ZNF518A: variants seen among roughly 807,000 people sequenced by gnomAD.
ZNF518A encodes zinc finger protein 518.
In ZNF518A, 47 loss-of-function variants were observed where a neutral mutation model predicts 102.7. That is an observed-to-expected ratio of 0.46 (90% CI 0.36 to 0.58). ZNF518A has a LOEUF of 0.58. Ranked by LOEUF, ZNF518A falls within the 20% of genes least tolerant of loss-of-function variation. ZNF518A has a pLI of 0.00. For missense variants in ZNF518A, 1,793 were observed against 1,699.8 expected, an observed-to-expected ratio of 1.05 and a Z score of -0.96; for synonymous variants, 652 against 594.6, an observed-to-expected ratio of 1.10 and a Z score of -1.40.
At chr10:96,202,244 G>A (rs1195869089) in intron 1 of ZNF518A, among the ~76,000 whole-genome samples, 6 of 152,134 alleles carry the variant, frequency 3.9e-5, no homozygotes, top group Non-Finnish European at 8.8e-5. Context: ...TTGAACAGGG[G>A]GGTAACATGA....
chr10:96,182,327 G>C (rs2083245029), intron 1 of ZNF518A, among the ~76,000 whole-genome samples: 2 of 151,980 alleles, frequency 1.3e-5, no homozygotes, highest in Non-Finnish European at 2.9e-5. Context: ...TTATTTCTTT[G>C]CCTTGCCTGA....
intron 3 of ZNF518A, among the ~76,000 whole-genome samples, chr10:96,154,076 C>T (rs1459086850): frequency 6.6e-6 from 1 of 152,170 alleles, no homozygotes; most frequent in Non-Finnish European, 1.5e-5. Flanking sequence ...GAGAACTGAA[C>T]ACATGATTTA....
rs1204229173 is a variant in ZNF518A, at chr10:96,159,023, G to A, written c.2701G>A (p.Val901Ile). Residue 901 changes from valine to isoleucine, a missense_variant, in exon 6 of 6, where the codon GTA (valine) becomes ATA (isoleucine). Val to Ile is a conservative substitution (Grantham distance 29). Around this residue, in one of 3 missense-constraint regions of ZNF518A, gnomAD observed 1,741 missense variants for 1,622.6 expected, o/e 1.07. Transcript: ENST00000316045. ...QSDAIITQQL[V>I]KDKLRATTQN... is the part of the protein sequence containing the mutation. ...AGATGCGATAATAACACAGCAGCTT[G>A]TAAAAGACAAACTACGAGCCACCAC... The A allele has an allele frequency of 2.5e-6, 4 of 1,613,514 alleles. No homozygotes were observed. The African/African-American group carries it at 5.3e-5, about 22-fold the overall frequency.
intron 1 of ZNF518A, among the ~76,000 whole-genome samples, chr10:96,187,440 C>T (rs2133898936): frequency 6.6e-6 from 1 of 152,248 alleles, no homozygotes; most frequent in Middle Eastern, 3.4e-3. Context: ...CTGGTTTTGC[C>T]TCACATCGCT....
intron 3 of ZNF518A, among the ~76,000 whole-genome samples, chr10:96,150,236 A>G (rs587595129): frequency 6.6e-4 from 100 of 151,024 alleles, no homozygotes; most frequent in African/African-American, 2.3e-3. Flanking sequence ...CGGGAGGCTG[A>G]GGCAGGAGAA....
intron 3 of ZNF518A, among the ~76,000 whole-genome samples, chr10:96,137,092 T>TCA (rs1428932145): frequency 2.0e-5 from 3 of 152,226 alleles, no homozygotes; most frequent in African/African-American, 7.2e-5. Context: ...ACAAACTCTC[T>TCA]CAGTCACATC....
Position 96,160,407 on chromosome 10 carries a change from G to A in ZNF518A, c.4085G>A (p.Ser1362Asn). ...HPDADAPEVV[S>N]VMKTIAKFNG... is the part of the protein sequence containing the mutation. Reference sequence around the variant, plus strand: ...GACGCAGATGCACCAGAAGTAGTAAGTGTAATGAAAACTATTGCTAAATTT... The same window carrying A: ...GACGCAGATGCACCAGAAGTAGTAAATGTAATGAAAACTATTGCTAAATTT... Residue 1362 changes from serine (S) to asparagine (N), a missense_variant, in exon 6 of 6, where the codon AGT (serine) becomes AAT (asparagine). Ser to Asn is a conservative substitution (Grantham distance 46). Coordinates refer to ENST00000316045, the MANE Select transcript of ZNF518A (RefSeq NM_001330736.2). The A allele has an allele frequency of 6.2e-7, 1 of 1,613,196 alleles. No individual in the cohort carries two copies. Among genetic ancestry groups the A allele is most frequent in the Non-Finnish European group, 8.5e-7 (1 of 1,179,526 alleles).
At chr10:96,204,538 G>T, downstream of ZNF518A, 4 of 1,613,966 alleles carry the variant, frequency 2.5e-6, no homozygotes, top group Non-Finnish European at 2.5e-6. Context: ...TTACTTCTGG[G>T]CAGGAGGAAA....
rs1360504453 is a variant in ZNF518A at position 96,161,228 on chromosome 10, A to C, written c.*454A>C. 5.9e-6 allele frequency: 1 copy of C among 168,518 alleles called. No homozygotes were observed. Among genetic ancestry groups the C allele is most frequent in the Middle Eastern group, 3.1e-3 (1 of 320 alleles). 10.4% of individuals were successfully genotyped at this position (168,518 alleles called of 1,614,324 possible). A position where few individuals can be genotyped will look rare whatever the true frequency, so the allele number is the denominator to read the frequency against. ...AGGAGTTTCTCACATTTGTGAAGAT[A>C]CTTTGAGAGAACCTGGGTAAAGAAG... On this transcript the variant is annotated 3_prime_UTR_variant, in exon 6 of 6. Transcript: ENST00000316045.
Position 96,159,270 on chromosome 10 carries a change from A to C in ZNF518A, c.2948A>C (p.Asn983Thr). The C allele has an allele frequency of 6.2e-7, 1 of 1,613,512 alleles. No individual in the cohort carries two copies. Among genetic ancestry groups the C allele is most frequent in the Non-Finnish European group, 8.5e-7 (1 of 1,179,692 alleles). Residue 983 changes from asparagine (N) to threonine (T), a missense_variant, in exon 6 of 6, where the codon AAT becomes ACT. Coordinates refer to ENST00000316045, the MANE Select transcript of ZNF518A (RefSeq NM_001330736.2). ...AAACCTGGGATGGTTTTAACACTTA[A>C]TAATGGGAAACTTGAAGGTGTTTCC... ...NKKPGMVLTL[N>T]NGKLEGVSAV...
intron 1 of ZNF518A, among the ~76,000 whole-genome samples, chr10:96,172,507 A>C (rs1204911998): frequency 1.3e-5 from 2 of 152,092 alleles, no homozygotes; most frequent in South Asian, 2.1e-4. Flanking sequence ...ATAACAGTTT[A>C]TTCTTGGGTT....
chr10:96,146,840 G>T (rs2082194998), intron 3 of ZNF518A, among the ~76,000 whole-genome samples: 2 of 152,168 alleles, frequency 1.3e-5, no homozygotes, highest in Admixed American at 1.3e-4. Context: ...AAATTTGGTA[G>T]CAAGCCTAAA....
intron 1 of ZNF518A, 162 bp downstream of exon 1, chr10:96,130,914 A>G (rs2081302138): frequency 6.6e-6 from 1 of 152,242 alleles, no homozygotes; most frequent in Non-Finnish European, 1.5e-5. Flanking sequence ...TGAAAAGTAC[A>G]TAGAGCGAAA....
intron 2 of ZNF518A, chr10:96,133,019 G>T (rs2081416948): frequency 6.6e-6 from 1 of 152,104 alleles, no homozygotes; most frequent in African/African-American, 2.4e-5. Flanking sequence ...AGTTATATAA[G>T]TTATAGTTTT....
In ZNF518A at chr10:96,158,086, C is replaced by G; in HGVS notation, c.1764C>G (p.Pro588=). ...FWGNHLTQSH[P]EVLGTTIKSP... is the part of the protein sequence containing the mutation. ...GAAATCATCTCACTCAGAGTCACCC[C>G]GAGGTATTAGGTACCACCATTAAAA... Residue 588 remains proline, a synonymous_variant, in exon 6 of 6, where the codon CCC becomes CCG. Coordinates refer to ENST00000316045, the MANE Select transcript of ZNF518A (RefSeq NM_001330736.2). The G allele has an allele frequency of 6.2e-7, 1 of 1,613,420 alleles. No individual in the cohort carries two copies.
intron 1 of ZNF518A, among the ~76,000 whole-genome samples, chr10:96,183,545 T>G (rs1485643088): frequency 6.6e-6 from 1 of 152,196 alleles, no homozygotes; most frequent in East Asian, 1.9e-4. Context: ...AAGAACATCT[T>G]TATTTCTGCC....
downstream of ZNF518A, among the ~76,000 whole-genome samples, chr10:96,165,656 G>C (rs1466981239): frequency 6.6e-6 from 1 of 152,130 alleles, no homozygotes; most frequent in Non-Finnish European, 1.5e-5. Context: ...GAGGATTGTG[G>C]TTTGGGCATT....
intron 1 of ZNF518A, chr10:96,189,697 A>G: frequency 1.6e-6 from 1 of 630,706 alleles, no homozygotes; most frequent in South Asian, 1.5e-5. Flanking sequence ...CTCATCATCA[A>G]AATCATCATC....
At chr10:96,166,033 C>T (rs1289889970), downstream of ZNF518A, among the ~76,000 whole-genome samples, 3 of 151,990 alleles carry the variant, frequency 2.0e-5, no homozygotes, top group African/African-American at 2.4e-5. Flanking sequence ...TGTAAGTCCT[C>T]GAATCCAAAG....
Sources: allele counts gnomAD v4.1 joint callset (sites outside exome capture counted in the v4.1 genomes callset), GRCh38; gene constraint gnomAD v4.1.1; regional missense constraint gnomAD v4.1.1; transcripts MANE v1.5; gene names NCBI Gene and HGNC (gene_info 2026-07-23, HGNC 2026-07-21).